Variants in EPHB1 observed in about 807,000 individuals in gnomAD.
EPHB1 encodes the protein ephrin type-B receptor 1.
Under a neutral mutation model 94.4 loss-of-function variants are expected in EPHB1, and 30 were observed. The ratio of observed to expected loss-of-function variants is 0.32; its 90% CI spans 0.24 to 0.43. The LOEUF is 0.43. Among genes scored for constraint, EPHB1 ranks in the 20% least tolerant of loss-of-function variants. The pLI is 1.00. For missense variants in EPHB1, 1,055 were observed against 1,308.3 expected (o/e 0.81, Z 2.99); for synonymous variants, 522 against 489.1 (o/e 1.07, Z -0.89).
chr3:135,252,436 A>G (rs1274068404), intron 15 of EPHB1, among the ~76,000 whole-genome samples: 1 of 137,926 alleles, frequency 7.3e-6, no homozygotes. Context: ...TCATTGTTCA[A>G]TTCCCACCTA....
intron 6 of EPHB1, among the ~76,000 whole-genome samples, chr3:135,160,393 C>G (rs1413388060): frequency 6.6e-6 from 1 of 152,164 alleles, no homozygotes; most frequent in Non-Finnish European, 1.5e-5. Context: ...TATCACTGTA[C>G]TGTATCCTAG....
chr3:135,175,928 T>C (rs1320376459), intron 9 of EPHB1, among the ~76,000 whole-genome samples: 1 of 152,206 alleles, frequency 6.6e-6, no homozygotes, highest in East Asian at 1.9e-4. Context: ...ATTTTCCTGA[T>C]AATTAAAAAC....
chr3:134,952,160 C>A, intron 3 of EPHB1, 108 bp downstream of exon 3: 1 of 1,210,746 alleles, frequency 8.3e-7, no homozygotes, highest in African/African-American at 1.5e-5. Flanking sequence ...AGTCTAATGG[C>A]TTATTATAAA....
At chr3:134,829,690 C>T (rs62272422) in intron 1 of EPHB1, among the ~76,000 whole-genome samples, 22,975 of 152,064 alleles carry the variant, frequency 0.15, 1,936 homozygotes, top group South Asian at 0.4. Flanking sequence ...AACTTCAGAA[C>T]GTGCCCTTAT....
chr3:135,113,491 C>T lies in EPHB1; in HGVS notation c.961+6888C>T, dbSNP rs1939548586. 2.0e-5 allele frequency among the ~76,000 whole-genome samples: 3 copies of T among 152,160 alleles called. No homozygotes were observed. The South Asian group carries it at 6.2e-4, about 32-fold the overall frequency. ...CTGAGCACTGCCACCCCAAATCCTC[C>T]CAATGTTAGCCTTCTCCCTCCAGTA... On this transcript the variant is annotated intron_variant, in intron 4 of 15. Transcript: ENST00000398015.
At chr3:134,947,588 G>C (rs2039237939) in intron 2 of EPHB1, among the ~76,000 whole-genome samples, 1 of 152,190 alleles carries the variant, frequency 6.6e-6, no homozygotes, top group Non-Finnish European at 1.5e-5. Context: ...AGCTGTCATG[G>C]AATCAATTAG....
intron 12 of EPHB1, among the ~76,000 whole-genome samples, chr3:135,225,731 G>A (rs1239869127): frequency 6.6e-6 from 1 of 152,018 alleles, no homozygotes. Flanking sequence ...GAGCCACAGG[G>A]AAAGGGTCCA....
chr3:135,128,472 A>C (rs1359018171), intron 4 of EPHB1, among the ~76,000 whole-genome samples: 1 of 152,196 alleles, frequency 6.6e-6, no homozygotes, highest in Non-Finnish European at 1.5e-5. Flanking sequence ...TGCCCATCTC[A>C]TCAGGATGCT....
Position 135,059,478 on chromosome 3 carries a change from AAG to A in EPHB1, c.806-46967_806-46966del, listed in dbSNP as rs199753237. On this transcript the variant is annotated intron_variant, in intron 3 of 15. Coordinates refer to ENST00000398015, the MANE Select transcript of EPHB1 (RefSeq NM_004441.5). The stretch of plus-strand genomic sequence containing the variant: ...AAACAACTCAAGAAGGGGTGAGAGA[AAG>A]AGGGGAGGGAGAGGGGGAGGGAAAG... Among the ~76,000 whole-genome samples, 794 of 152,182 alleles carry A rather than the reference AAG, an allele frequency of 5.2e-3. 6 individuals are homozygous for A. Among genetic ancestry groups the A allele is most frequent in the African/African-American group, 0.018 (748 of 41,536 alleles).
intron 1 of EPHB1, among the ~76,000 whole-genome samples, chr3:134,860,178 C>CACA (rs2037222995): frequency 6.7e-6 from 1 of 149,036 alleles, no homozygotes; most frequent in African/African-American, 2.6e-5. Context: ...CACAGACACA[C>CACA]ACACACACAC....
chr3:135,107,846 C>T (rs1939280620), intron 4 of EPHB1, among the ~76,000 whole-genome samples: 1 of 151,876 alleles, frequency 6.6e-6, no homozygotes, highest in Non-Finnish European at 1.5e-5. Flanking sequence ...TTCTACAGAC[C>T]TCTCTCTCTG....
At chr3:135,139,923 T>C (rs986001362) in intron 5 of EPHB1, among the ~76,000 whole-genome samples, 2 of 152,140 alleles carry the variant, frequency 1.3e-5, no homozygotes, top group African/African-American at 4.8e-5. Flanking sequence ...GTATGGGAAT[T>C]CTCCTTCCAG....
At chr3:134,828,266 A>G (rs79861385) in intron 1 of EPHB1, among the ~76,000 whole-genome samples, 5,404 of 152,272 alleles carry the variant, frequency 0.035, 295 homozygotes, top group African/African-American at 0.12. Flanking sequence ...GGTAAAACCA[A>G]CACTGTGTGA....
intron 3 of EPHB1, among the ~76,000 whole-genome samples, chr3:135,004,884 C>T (rs920029083): frequency 6.6e-6 from 1 of 152,048 alleles, no homozygotes; most frequent in Non-Finnish European, 1.5e-5. Flanking sequence ...AAGTTTTCAA[C>T]TTCTTTGCCT....
At chr3:134,843,064 T>C (rs1486649076) in intron 1 of EPHB1, among the ~76,000 whole-genome samples, 1 of 152,222 alleles carries the variant, frequency 6.6e-6, no homozygotes, top group Admixed American at 6.5e-5. Context: ...TAGTATTTGT[T>C]TGTATTTTAT....
At chr3:135,105,754 C>T (rs1939192526) in intron 3 of EPHB1, among the ~76,000 whole-genome samples, 1 of 152,162 alleles carries the variant, frequency 6.6e-6, no homozygotes, top group African/African-American at 2.4e-5. Context: ...GTGTGTGACA[C>T]GTTCCCTGGT....
chr3:134,867,323 A>G (rs936899297), intron 1 of EPHB1, among the ~76,000 whole-genome samples: 24 of 152,306 alleles, frequency 1.6e-4, no homozygotes, highest in East Asian at 5.8e-4. Flanking sequence ...TGCCTATGTC[A>G]TACCTAACAC....
chr3:134,917,291 G>A (rs72971636), intron 1 of EPHB1, among the ~76,000 whole-genome samples: 6,064 of 152,280 alleles, frequency 0.04, 173 homozygotes, highest in African/African-American at 0.069. Flanking sequence ...TGGGCAGGTA[G>A]GGTAGCCCTT....
chr3:135,041,444 G>C (rs1303395866), intron 3 of EPHB1, among the ~76,000 whole-genome samples: 1 of 152,124 alleles, frequency 6.6e-6, no homozygotes, highest in African/African-American at 2.4e-5. Flanking sequence ...TCAAATGCAG[G>C]TATTCCAACT....
Sources: gnomAD v4.1 joint callset for allele counts (sites outside exome capture counted in the v4.1 genomes callset) on GRCh38, gnomAD v4.1.1 for gene constraint, MANE v1.5 for transcripts, NCBI Gene and HGNC (gene_info 2026-07-23, HGNC 2026-07-21) for gene names.